Variants in PAX7 observed in about 807,000 individuals in gnomAD.
The protein encoded by PAX7 is paired box protein Pax-7.
In PAX7, 18 loss-of-function variants were observed where a neutral mutation model predicts 50.7. The ratio of observed to expected loss-of-function variants is 0.36; its 90% confidence interval spans 0.25 to 0.53. The LOEUF is 0.53. Ranked by LOEUF, PAX7 falls within the 20% of genes least tolerant of loss-of-function variation. PAX7 has a pLI of 0.93. For missense variants in PAX7, 644 were observed against 702.9 expected, an observed-to-expected ratio of 0.92 and a Z score of 0.95; for synonymous variants, 310 against 290.4, an observed-to-expected ratio of 1.07 and a Z score of -0.69.
At position 18,744,816 on chromosome 1, in the gene PAX7, G is replaced by A; in HGVS notation, c.1405G>A (p.Ala469Thr). ...GYQYGQYGQTAVDYLAKNVSL... is the reference protein window; with the variant it reads ...GYQYGQYGQTTVDYLAKNVSL... Reference sequence around the variant, plus strand: ...GGAGAGTCTCTTCTTTTTTCCAGCTGCTGTTGATTATCTGGCCAAAAATGT... The same window carrying A: ...GGAGAGTCTCTTCTTTTTTCCAGCTACTGTTGATTATCTGGCCAAAAATGT... Residue 469 changes from alanine (A) to threonine (T), a missense_variant and splice_region_variant, in exon 9 of 9, where the codon GCT becomes ACT. Ala to Thr is a moderately conservative substitution (Grantham distance 58, BLOSUM62 0). Coordinates refer to ENST00000420770, the MANE Select transcript of PAX7 (RefSeq NM_001135254.2). The A allele has an allele frequency of 6.5e-7, 1 of 1,545,400 alleles. No homozygotes were observed. The highest frequency in any genetic ancestry group is 1.2e-5 in the South Asian group (1 of 83,928).
intron 4 of PAX7, among the ~76,000 whole-genome samples, chr1:18,686,810 C>T (rs371244947): frequency 6.6e-6 from 1 of 152,058 alleles, no homozygotes. Context: ...CCGTCATTGT[C>T]CTCATCATCA....
At chr1:18,734,881 A>C (rs920064454) in intron 7 of PAX7, among the ~76,000 whole-genome samples, 1 of 152,156 alleles carries the variant, frequency 6.6e-6, no homozygotes, top group African/African-American at 2.4e-5. Context: ...GTAAGTGAAC[A>C]CCTGGACCTC....
chr1:18,697,104 A>C (rs2089159556), intron 5 of PAX7, among the ~76,000 whole-genome samples: 2 of 152,210 alleles, frequency 1.3e-5, no homozygotes, highest in Non-Finnish European at 2.9e-5. Context: ...ACTTGAACCC[A>C]AGTCTATCTG....
rs2089036031 is a variant in PAX7, at chr1:18,689,492, G to GAA, written c.587-2261_587-2260insAA. Among the ~76,000 whole-genome samples the GAA allele has an allele frequency of 2.0e-5, 3 of 152,296 alleles. No individual in the cohort carries two copies. The South Asian group carries it at 6.2e-4, about 32-fold the overall frequency. ...ACTCCAGGTCTCTGCCCTTGGGGAT[G>GAA]AGCCAGGCCATGATGAAGGCAGGAC... On this transcript the variant is annotated intron_variant, in intron 4 of 8. Coordinates refer to ENST00000420770, the MANE Select transcript of PAX7 (RefSeq NM_001135254.2).
intron 4 of PAX7, among the ~76,000 whole-genome samples, chr1:18,664,531 T>C (rs2088640761): frequency 6.6e-6 from 1 of 152,166 alleles, no homozygotes; most frequent in Admixed American, 6.5e-5. Context: ...GTCAGCACTT[T>C]ACAGTTTATG....
At chr1:18,706,713 C>T (rs970540121) in intron 7 of PAX7, among the ~76,000 whole-genome samples, 1 of 152,156 alleles carries the variant, frequency 6.6e-6, no homozygotes, top group Non-Finnish European at 1.5e-5. Flanking sequence ...GAACTCCTGA[C>T]CTCAGGTGAT....
chr1:18,735,349 C>T lies in PAX7; in HGVS notation c.1156-283C>T, dbSNP rs1268206607. Among the ~76,000 whole-genome samples the T allele has an allele frequency of 6.6e-6, 1 of 152,108 alleles. No homozygotes were observed. The highest frequency in any genetic ancestry group is 1.5e-5 in the Non-Finnish European group (1 of 68,022). On this transcript the variant is annotated intron_variant, in intron 7 of 8. Coordinates refer to ENST00000420770, the MANE Select transcript of PAX7 (RefSeq NM_001135254.2). The surrounding 1 kb of genome is among the most constrained non-coding windows in gnomAD (Gnocchi z 4.0). ...GACAGGCCCAGAGTGACCCTTAGGG[C>T]CAGACCCTGGAGCTAGAGAGGCGAG...
intron 8 of PAX7, among the ~76,000 whole-genome samples, chr1:18,742,245 C>T (rs1050854693): frequency 6.7e-6 from 1 of 149,924 alleles, no homozygotes; most frequent in Non-Finnish European, 1.5e-5. Flanking sequence ...GCAAGCTCCG[C>T]CTCCCAGGTT....
In PAX7 at chr1:18,700,620, A is replaced by AG. The variant is rs2089206709; in HGVS notation, c.787-29dup. On this transcript the variant is annotated intron_variant, in intron 5 of 8. Coordinates refer to ENST00000420770, the MANE Select transcript of PAX7 (RefSeq NM_001135254.2). The surrounding 1 kb of genome is among the most constrained non-coding windows in gnomAD (Gnocchi z 4.8). ...CAGCTCTCTGCCAGGAACCTGGCCGAGGGGTCTCCATTCTCTGCTCTCCAC... is the reference window on the plus strand; with the variant it reads ...CAGCTCTCTGCCAGGAACCTGGCCGAGGGGGTCTCCATTCTCTGCTCTCCAC... The AG allele has an allele frequency of 6.7e-7, 1 of 1,486,170 alleles. No homozygotes were observed. The highest frequency in any genetic ancestry group is 1.4e-5 in the African/African-American group (1 of 69,618). The allele number at this position is 1,486,170 out of a possible 1,614,324, so 92.1% of individuals were successfully genotyped here. A position where few individuals can be genotyped will look rare whatever the true frequency, so the allele number is the denominator to read the frequency against.
intron 4 of PAX7, among the ~76,000 whole-genome samples, chr1:18,658,739 G>A (rs975646619): frequency 6.6e-6 from 1 of 152,220 alleles, no homozygotes; most frequent in Admixed American, 6.5e-5. Context: ...AAGGTTTGCT[G>A]GTAGAAGCCT....
At chr1:18,696,229 C>A (rs1173279638) in intron 5 of PAX7, among the ~76,000 whole-genome samples, 1 of 152,112 alleles carries the variant, frequency 6.6e-6, no homozygotes, top group Non-Finnish European at 1.5e-5. Context: ...CCATGCCTGG[C>A]TAATTTTTTG....
chr1:18,667,369 AAAG>A (rs1032017219), intron 4 of PAX7, among the ~76,000 whole-genome samples: 4 of 149,546 alleles, frequency 2.7e-5, no homozygotes, highest in African/African-American at 7.4e-5. Flanking sequence ...AGGAAGGAAA[AAAG>A]AAGGAGAGAA....
intron 7 of PAX7, among the ~76,000 whole-genome samples, chr1:18,728,927 G>C (rs1376151335): frequency 6.6e-6 from 1 of 151,864 alleles, no homozygotes; most frequent in Non-Finnish European, 1.5e-5. Context: ...GGACAGTCAA[G>C]ACGGAGAACC....
intron 7 of PAX7, among the ~76,000 whole-genome samples, chr1:18,719,572 G>GT (rs1465367781): frequency 6.6e-6 from 1 of 152,248 alleles, no homozygotes; most frequent in Non-Finnish European, 1.5e-5. Context: ...CCTGGCAAGT[G>GT]TCTTATCACA....
rs573535099 is a variant in PAX7 at position 18,721,726 on chromosome 1, G to A, written c.1156-13906G>A. Among the ~76,000 whole-genome samples, 22 of 152,326 alleles carry A rather than the reference G, an allele frequency of 1.4e-4. No homozygotes were observed. In the South Asian group the frequency reaches 2.1e-3, roughly 14 times the overall value. On this transcript the variant is annotated intron_variant, in intron 7 of 8. Transcript: ENST00000420770. ...GGATAAAAAGAACCATTTCTGCTCC[G>A]TCAGTGATGCGGGGAGGAGAAGCTG...
Position 18,631,190 on chromosome 1 carries a change from C to A in PAX7, c.-414C>A, listed in dbSNP as rs995244478. 1 of 240,986 alleles carries A rather than the reference C, an allele frequency of 4.1e-6. No individual in the cohort carries two copies. The highest frequency in any genetic ancestry group is 8.1e-6 in the Non-Finnish European group (1 of 123,488). 14.9% of individuals were successfully genotyped at this position (240,986 alleles called of 1,614,324 possible). On this transcript the variant is annotated 5_prime_UTR_variant, in exon 1 of 9. Coordinates refer to ENST00000420770, the MANE Select transcript of PAX7 (RefSeq NM_001135254.2). The stretch of plus-strand genomic sequence containing the variant: ...CGCCAGAGCGCGAGAGCGCGGCGCT[C>A]GCCACTCTGAGGCTGGCGGCCTCGA...
chr1:18,729,843 A>G (rs1248050302), intron 7 of PAX7, among the ~76,000 whole-genome samples: 1 of 152,204 alleles, frequency 6.6e-6, no homozygotes, highest in Non-Finnish European at 1.5e-5. Flanking sequence ...TGCAGGCCCC[A>G]GCTTCTGCGT....
At position 18,717,073 on chromosome 1, in the gene PAX7, A is replaced by G. The variant is rs999071694; in HGVS notation, c.1155+13777A>G. Among the ~76,000 whole-genome samples the G allele has an allele frequency of 1.5e-4, 23 of 151,882 alleles. No individual in the cohort carries two copies. The South Asian group carries it at 4.4e-3, about 29-fold the overall frequency. On this transcript the variant is annotated intron_variant, in intron 7 of 8. Coordinates refer to ENST00000420770, the MANE Select transcript of PAX7 (RefSeq NM_001135254.2). ...GCCGTCGCCGCCGCGCCTTTGATCC[A>G]TGGCCCGAGGCCGCCTGACAGTGGA...
chr1:18,713,629 C>G (rs2089382163), intron 7 of PAX7, among the ~76,000 whole-genome samples: 1 of 152,194 alleles, frequency 6.6e-6, no homozygotes, highest in Non-Finnish European at 1.5e-5. Context: ...GACAATACTC[C>G]TCATCCCACC....
Sources: gnomAD v4.1 joint callset for allele counts (sites outside exome capture counted in the v4.1 genomes callset) on GRCh38, gnomAD v4.1.1 for gene constraint, Gnocchi (gnomAD v3.1) non-coding constraint, MANE v1.5 for transcripts, NCBI Gene and HGNC (gene_info 2026-07-23, HGNC 2026-07-21) for gene names.